The following KIAA1549L variants were observed in gnomAD, a reference collection of about 807,000 sequenced individuals.
The protein encoded by KIAA1549L is KIAA1549 like.
KIAA1549L carries 88 observed loss-of-function variants against 160.7 expected under a neutral mutation model. That is an observed-to-expected ratio of 0.55 (90% CI 0.46 to 0.65). The LOEUF is 0.65. Ranked by LOEUF, KIAA1549L falls within the 30% of genes least tolerant of loss-of-function variation. The pLI is 0.00. For synonymous variants in KIAA1549L, 950 were observed against 976.7 expected (o/e 0.97, Z 0.51); for missense variants, 2,258 against 2,437.5 (o/e 0.93, Z 1.55).
In KIAA1549L at chr11:33,568,069, T is replaced by C. The variant is rs779280638; in HGVS notation, c.4079-7T>C. On this transcript the variant is annotated splice_region_variant and splice_polypyrimidine_tract_variant and intron_variant, in intron 8 of 20. Coordinates refer to ENST00000658780, the MANE Select transcript of KIAA1549L (RefSeq NM_012194.3). Reference sequence around the variant, plus strand: ...CTGAGCCTCTGCTCTGCCTTCTGCATCCACAGTGCTGCAGGGTGTGGACAA... The same window carrying C: ...CTGAGCCTCTGCTCTGCCTTCTGCACCCACAGTGCTGCAGGGTGTGGACAA... 45 of 1,601,132 alleles carry C rather than the reference T, an allele frequency of 2.8e-5. 1 individual carries two copies. The Admixed American group carries it at 7.5e-4, about 27-fold the overall frequency.
At chr11:33,422,574 T>A (rs1003807567) in intron 1 of KIAA1549L, among the ~76,000 whole-genome samples, 1 of 116,096 alleles carries the variant, frequency 8.6e-6, no homozygotes, top group Non-Finnish European at 1.7e-5. Context: ...CCTCCCTCCC[T>A]CCTTCCTTCC....
intron 1 of KIAA1549L, among the ~76,000 whole-genome samples, chr11:33,536,996 G>A (rs2133162069): frequency 6.6e-6 from 1 of 152,310 alleles, no homozygotes; most frequent in Middle Eastern, 3.4e-3. Context: ...AAGCTGCAGA[G>A]GGAGGTGATG....
At chr11:33,500,389 A>G (rs1317012810) in intron 1 of KIAA1549L, among the ~76,000 whole-genome samples, 1 of 152,214 alleles carries the variant, frequency 6.6e-6, no homozygotes, top group African/African-American at 2.4e-5. Context: ...CAGAAGTATT[A>G]GTTTCCTTAT....
chr11:33,435,777 TA>T (rs1359746798), intron 1 of KIAA1549L, among the ~76,000 whole-genome samples: 1 of 6,914 alleles, frequency 1.4e-4, no homozygotes, highest in African/African-American at 9.4e-4. Context: ...TATATATATA[TA>T]TATATATATA....
chr11:33,462,825 A>G (rs1031246962), intron 1 of KIAA1549L, among the ~76,000 whole-genome samples: 3 of 151,816 alleles, frequency 2.0e-5, no homozygotes, highest in Non-Finnish European at 2.9e-5. Context: ...GCCATTGTTC[A>G]ACGGCAGCTT....
intron 9 of KIAA1549L, among the ~76,000 whole-genome samples, chr11:33,570,625 C>G (rs1855222004): frequency 6.6e-6 from 1 of 152,166 alleles, no homozygotes; most frequent in African/African-American, 2.4e-5. Flanking sequence ...CAATATCCTT[C>G]TACCCTGAGG....
intron 4 of KIAA1549L, among the ~76,000 whole-genome samples, chr11:33,550,614 C>G (rs1014857997): frequency 2.0e-5 from 3 of 152,106 alleles, no homozygotes; most frequent in Admixed American, 1.3e-4. Context: ...ACCGGTGCCC[C>G]CAAGGTTCCC....
At chr11:33,642,544 G>T (rs146442964) in intron 16 of KIAA1549L, among the ~76,000 whole-genome samples, 1 of 149,528 alleles carries the variant, frequency 6.7e-6, no homozygotes, top group African/African-American at 2.5e-5. Flanking sequence ...GACTGCACAG[G>T]CTAAACTAAT....
At chr11:33,439,426 T>A (rs1423117323) in intron 1 of KIAA1549L, among the ~76,000 whole-genome samples, 2 of 150,814 alleles carry the variant, frequency 1.3e-5, no homozygotes, top group Admixed American at 1.3e-4. Context: ...TTTTTGAGAC[T>A]GAGTCTCGCT....
chr11:33,426,512 G>T (rs1355762635), intron 1 of KIAA1549L, among the ~76,000 whole-genome samples: 1 of 152,180 alleles, frequency 6.6e-6, no homozygotes, highest in African/African-American at 2.4e-5. Context: ...CTGGTGCACA[G>T]GTGGTTGAGT....
In KIAA1549L at chr11:33,544,873, C is replaced by T. The variant is rs1854183034; in HGVS notation, c.2880C>T (p.Gly960=). Reference sequence around the variant, plus strand: ...TGTCTGCAGCCCTGGTTGCTAAGGGCACCAGCAGCAGCCCTTTGGCCGTGG... The same window carrying T: ...TGTCTGCAGCCCTGGTTGCTAAGGGTACCAGCAGCAGCCCTTTGGCCGTGG... ...PALSAALVAK[G]TSSSPLAVAS... is the part of the protein sequence containing the mutation. The change falls in exon 3 of 21, where the codon GGC becomes GGT. Residue 960 remains glycine, a synonymous_variant. Coordinates refer to ENST00000658780, the MANE Select transcript of KIAA1549L (RefSeq NM_012194.3). 1.9e-6 allele frequency: 3 copies of T among 1,613,418 alleles called. No homozygotes were observed. In the African/African-American group the frequency reaches 4.0e-5, roughly 22 times the overall value.
chr11:33,420,763 G>A (rs562782992), intron 1 of KIAA1549L, among the ~76,000 whole-genome samples: 33 of 152,260 alleles, frequency 2.2e-4, no homozygotes, highest in African/African-American at 6.7e-4. Flanking sequence ...TAGCATAAAC[G>A]TTTCATAACC....
At chr11:33,536,164 A>G (rs72913022) in intron 1 of KIAA1549L, among the ~76,000 whole-genome samples, 403 of 152,308 alleles carry the variant, frequency 2.6e-3, no homozygotes, top group Non-Finnish European at 4.5e-3. Flanking sequence ...CACATATACT[A>G]TTTCAGTTAT....
intron 1 of KIAA1549L, among the ~76,000 whole-genome samples, chr11:33,416,202 T>A (rs1018831345): frequency 7.9e-5 from 12 of 152,160 alleles, no homozygotes; most frequent in Non-Finnish European, 1.6e-4. Context: ...GCCACAGGAC[T>A]CCTGAAGATA....
intron 15 of KIAA1549L, among the ~76,000 whole-genome samples, chr11:33,610,715 G>A (rs755743348): frequency 6.6e-6 from 1 of 152,204 alleles, no homozygotes; most frequent in Non-Finnish European, 1.5e-5. Flanking sequence ...AGCAAGGAAG[G>A]GCTAAGCCAG....
intron 12 of KIAA1549L, among the ~76,000 whole-genome samples, chr11:33,598,190 T>TGTGTGTG: frequency 7.4e-6 from 1 of 135,104 alleles, no homozygotes; most frequent in South Asian, 2.4e-4. Flanking sequence ...GAGAGAATGT[T>TGTGTGTG]TGTGTGTGTG....
chr11:33,435,797 T>TA (rs1438415590), intron 1 of KIAA1549L, among the ~76,000 whole-genome samples: 1 of 8,092 alleles, frequency 1.2e-4, no homozygotes, highest in Non-Finnish European at 1.9e-4. Flanking sequence ...TATATATATA[T>TA]ATATATATAT....
chr11:33,466,213 A>G (rs1005811015), intron 1 of KIAA1549L, among the ~76,000 whole-genome samples: 12 of 152,210 alleles, frequency 7.9e-5, no homozygotes, highest in African/African-American at 2.7e-4. Flanking sequence ...AATTTTTGCA[A>G]TCTATCCATC....
At position 33,606,765 on chromosome 11, in the gene KIAA1549L, C is replaced by T. The variant is rs749033360; in HGVS notation, c.5004C>T (p.Pro1668=). The part of the protein sequence containing the change: ...QLIAIKPTAL[P]MVPPTSDRSQ... ...TTGCCATAAAACCCACAGCCCTCCC[C>T]ATGGTGCCCCCCACCTCGGACAGGA... The change falls in exon 14 of 21, where the codon CCC becomes CCT. Residue 1668 remains proline (P), a synonymous_variant. Transcript: ENST00000658780. The T allele has an allele frequency of 2.5e-6, 4 of 1,613,428 alleles. No individual in the cohort carries two copies. The highest frequency in any genetic ancestry group is 2.2e-5 in the East Asian group (1 of 44,862).
Sources: gnomAD v4.1 joint callset for allele counts (sites outside exome capture counted in the v4.1 genomes callset) on GRCh38, gnomAD v4.1.1 for gene constraint, MANE v1.5 for transcripts, NCBI Gene and HGNC (gene_info 2026-07-23, HGNC 2026-07-21) for gene names.